BRWD1: variants seen among roughly 807,000 people sequenced by gnomAD.
BRWD1 encodes the protein bromodomain and WD repeat-containing protein 1.
A neutral mutation model predicts 251.2 loss-of-function variants in BRWD1; 82 were observed. The observed-to-expected ratio is 0.33, with a 90% CI of 0.27 to 0.39. The LOEUF is 0.39. BRWD1 is among the 10% of genes least tolerant of loss of function. The pLI, the probability that BRWD1 is intolerant of heterozygous loss-of-function variation, is 1.00. For synonymous variants in BRWD1, 918 were observed against 902.8 expected, an observed-to-expected ratio of 1.02 and a Z score of -0.30; for missense variants, 2,233 against 2,711.6, an observed-to-expected ratio of 0.82 and a Z score of 3.92.
rs150751686 is a variant in BRWD1 at position 39,305,356 on chromosome 21, C to G, written c.199-6774G>C. ...ATGATCTGAAAATAAACAAGTCACT[C>G]AACTTTTATCCCTTAGATACAAATA... is the stretch of plus-strand genomic sequence containing the variant. On this transcript the variant is annotated intron_variant, in intron 4 of 40. Transcript: ENST00000342449. 2.1e-3 allele frequency among the ~76,000 whole-genome samples: 323 copies of G among 152,272 alleles called. 2 individuals carry two copies. Among genetic ancestry groups the G allele is most frequent in the African/African-American group, 7.4e-3 (308 of 41,560 alleles).
At chr21:39,213,675 A>G in intron 32 of BRWD1, 122 bp from the exon 33 acceptor site, 1 of 577,836 alleles carries the variant, frequency 1.7e-6, no homozygotes, top group East Asian at 3.1e-5. Flanking sequence ...CAAACAGAGG[A>G]ATATCAGGTT....
At chr21:39,184,724 C>G (rs1276257258), downstream of BRWD1, 1 of 152,160 alleles carries the variant, frequency 6.6e-6, no homozygotes, top group African/African-American at 2.4e-5. Flanking sequence ...AAAATTTGAA[C>G]ATTTAGCAAT....
intron 13 of BRWD1, 34 bp from the exon 14 acceptor site, chr21:39,270,467 T>C (rs776344837): frequency 9.1e-6 from 14 of 1,537,312 alleles, no homozygotes; most frequent in South Asian, 1.2e-5. Context: ...TAAACTTATT[T>C]AGATGGCTGG....
chr21:39,255,695 C>T lies in BRWD1; in HGVS notation c.2205G>A (p.Gln735=), dbSNP rs751125952. ...GTACAACCACTCTTCGTTTCCAAGCCTGCAGGTCACGTTCTGTAGCAATCT... is the reference window on the plus strand; with the variant it reads ...GTACAACCACTCTTCGTTTCCAAGCTTGCAGGTCACGTTCTGTAGCAATCT... The part of the protein sequence containing the change: ...RSQIATERDL[Q]AWKRRVVVPE... The change falls in exon 19 of 41, where the codon CAG becomes CAA. Residue 735 remains glutamine (Q), a synonymous_variant. Transcript: ENST00000342449. 7.4e-6 allele frequency: 12 copies of T among 1,614,046 alleles called. No homozygotes were observed. The highest frequency in any genetic ancestry group is 1.3e-5 in the African/African-American group (1 of 74,928).
Position 39,194,734 on chromosome 21 carries a change from C to A in BRWD1, c.*1525G>T. ...CCTTGTCTGCCACTTCAAAGATACA[C>A]AGGAGAAAAGGTTTTGTCTGAAACC... On this transcript the variant is annotated 3_prime_UTR_variant, in exon 41 of 41. Transcript: ENST00000342449. The A allele has an allele frequency of 6.5e-7, 1 of 1,535,268 alleles. No homozygotes were observed. The highest frequency in any genetic ancestry group is 8.7e-7 in the Non-Finnish European group (1 of 1,146,048).
chr21:39,278,285 T>G (rs2035340966), intron 10 of BRWD1, among the ~76,000 whole-genome samples: 1 of 152,164 alleles, frequency 6.6e-6, no homozygotes, highest in South Asian at 2.1e-4. Context: ...GTTTTCAGAT[T>G]TTATGAGGGA....
intron 20 of BRWD1, among the ~76,000 whole-genome samples, chr21:39,248,369 T>C (rs1202599996): frequency 6.6e-6 from 1 of 151,858 alleles, no homozygotes; most frequent in Non-Finnish European, 1.5e-5. Context: ...TCCAGCACTT[T>C]GGGAGGACAA....
Position 39,192,581 on chromosome 21 carries a change from G to C in BRWD1, c.*3678C>G. On this transcript the variant is annotated 3_prime_UTR_variant, in exon 41 of 41. Transcript: ENST00000342449. ...GAACTATAATTTCCATACAACATAAGAAAACTACAGTATTTGGTGACAACT... is the reference window on the plus strand; with the variant it reads ...GAACTATAATTTCCATACAACATAACAAAACTACAGTATTTGGTGACAACT... 3.0e-6 allele frequency: 3 copies of C among 984,052 alleles called. No individual in the cohort carries two copies. The highest frequency in any genetic ancestry group is 3.6e-6 in the Non-Finnish European group (3 of 828,836). 61.0% of individuals were successfully genotyped at this position (984,052 alleles called of 1,614,324 possible). A position where few individuals can be genotyped will look rare whatever the true frequency, so the allele number is the denominator to read the frequency against.
intron 4 of BRWD1, among the ~76,000 whole-genome samples, chr21:39,299,823 A>C (rs2036059792): frequency 6.6e-6 from 1 of 151,726 alleles, no homozygotes; most frequent in East Asian, 1.9e-4. Context: ...AAAAAAAAAA[A>C]AACACAAAAA....
chr21:39,269,252 T>A (rs1376256289), intron 15 of BRWD1, among the ~76,000 whole-genome samples: 18 of 128,980 alleles, frequency 1.4e-4, no homozygotes, highest in African/African-American at 2.1e-4. Flanking sequence ...AAAAAAAAAA[T>A]TTTTTTTTTT....
intron 21 of BRWD1, among the ~76,000 whole-genome samples, chr21:39,246,213 AG>A (rs532610073): frequency 5.6e-4 from 85 of 152,328 alleles, no homozygotes; most frequent in Non-Finnish European, 1.1e-3. Context: ...AACAATAAAA[AG>A]ACCCCCCAAA....
At chr21:39,215,993 C>CTG (rs10630682) in intron 31 of BRWD1, among the ~76,000 whole-genome samples, 1 of 152,010 alleles carries the variant, frequency 6.6e-6, no homozygotes, top group Non-Finnish European at 1.5e-5. Context: ...GAGCAAGACT[C>CTG]TCTCAAAAAC....
intron 10 of BRWD1, 33 bp from the exon 11 acceptor site, chr21:39,277,384 G>A: frequency 7.4e-7 from 1 of 1,354,876 alleles, no homozygotes; most frequent in Non-Finnish European, 1.0e-6. Context: ...TAAACATCCA[G>A]TTTATAACAA....
chr21:39,283,474 G>A (rs1295780656), intron 8 of BRWD1, among the ~76,000 whole-genome samples: 1 of 152,138 alleles, frequency 6.6e-6, no homozygotes, highest in African/African-American at 2.4e-5. Context: ...ATGTGTTTGA[G>A]GGGTTTTGTT....
intron 21 of BRWD1, among the ~76,000 whole-genome samples, chr21:39,243,587 A>C (rs1349686819): frequency 1.3e-5 from 2 of 152,110 alleles, no homozygotes; most frequent in Non-Finnish European, 2.9e-5. Context: ...CTGGGACTAC[A>C]GGTGTGTCAC....
chr21:39,187,549 T>A lies in BRWD1; in HGVS notation c.*8710A>T. On this transcript the variant is annotated 3_prime_UTR_variant, in exon 41 of 41. Transcript: ENST00000342449. ...AGTCATATTGCTAAATGATAAATTTTAAAATGTGATACTAAGGGCTTCTTC... is the reference window on the plus strand; with the variant it reads ...AGTCATATTGCTAAATGATAAATTTAAAAATGTGATACTAAGGGCTTCTTC... 7.2e-7 allele frequency: 1 copy of A among 1,395,544 alleles called. No individual in the cohort carries two copies. The highest frequency in any genetic ancestry group is 9.2e-7 in the Non-Finnish European group (1 of 1,081,180). 86.4% of individuals were successfully genotyped at this position (1,395,544 alleles called of 1,614,324 possible). A position where few individuals can be genotyped will look rare whatever the true frequency, so the allele number is the denominator to read the frequency against.
intron 8 of BRWD1, among the ~76,000 whole-genome samples, chr21:39,291,617 C>A (rs2035809221): frequency 6.6e-6 from 1 of 152,184 alleles, no homozygotes; most frequent in African/African-American, 2.4e-5. Context: ...ACCATGAATC[C>A]TACTAAGGAG....
intron 8 of BRWD1, among the ~76,000 whole-genome samples, chr21:39,281,080 T>G (rs775174757): frequency 7.9e-5 from 12 of 152,242 alleles, no homozygotes; most frequent in South Asian, 2.1e-4. Context: ...GGGAATATGG[T>G]ATATGATAGA....
At chr21:39,271,696 CA>C (rs34900726) in intron 13 of BRWD1, among the ~76,000 whole-genome samples, 6,558 of 59,550 alleles carry the variant, frequency 0.11, 90 homozygotes, top group Middle Eastern at 0.26. Flanking sequence ...GACTCCGTCT[CA>C]AAAAAAAAAA....
Sources: gnomAD v4.1 joint callset for allele counts (sites outside exome capture counted in the v4.1 genomes callset) on GRCh38, gnomAD v4.1.1 for gene constraint, MANE v1.5 for transcripts, NCBI Gene and HGNC (gene_info 2026-07-23, HGNC 2026-07-21) for gene names.